Variants in SPRED2 observed in about 807,000 individuals in gnomAD.
SPRED2 encodes sprouty related EVH1 domain containing 2.
SPRED2 carries 47 observed loss-of-function variants against 43.0 expected under a neutral mutation model. That is an observed-to-expected ratio of 1.09 (90% CI 0.87 to 1.40). The LOEUF (loss-of-function observed/expected upper bound fraction) is 1.40, where lower values mean the gene tolerates loss of function less well. Ranked by LOEUF, SPRED2 falls within the 40% of genes most tolerant of loss-of-function variation. The pLI is 0.00. For missense variants in SPRED2, 561 were observed against 586.4 expected, an observed-to-expected ratio of 0.96 and a Z score of 0.45; for synonymous variants, 225 against 225.7, an observed-to-expected ratio of 1.00 and a Z score of 0.03.
intron 1 of SPRED2, among the ~76,000 whole-genome samples, chr2:65,379,171 C>A (rs1675312378): frequency 6.6e-6 from 1 of 152,142 alleles, no homozygotes; most frequent in Non-Finnish European, 1.5e-5. Context: ...TGAGAAGTGA[C>A]TTTTTACCAA....
chr2:65,330,209 T>C (rs564356760), intron 4 of SPRED2, among the ~76,000 whole-genome samples: 1 of 152,256 alleles, frequency 6.6e-6, no homozygotes, highest in Non-Finnish European at 1.5e-5. Flanking sequence ...ATGGCTCACA[T>C]ACCTTTGTAT....
intron 1 of SPRED2, among the ~76,000 whole-genome samples, chr2:65,363,239 C>CAAA (rs141094707): frequency 4.7e-4 from 48 of 103,006 alleles, no homozygotes; most frequent in East Asian, 3.6e-3. Flanking sequence ...AACTCCGTCT[C>CAAA]AAAAAAAAAA....
At chr2:65,346,569 C>G (rs1215652367) in intron 1 of SPRED2, among the ~76,000 whole-genome samples, 1 of 152,166 alleles carries the variant, frequency 6.6e-6, no homozygotes, top group African/African-American at 2.4e-5. Context: ...ACTGTCTTGT[C>G]TCTATGAATC....
intron 4 of SPRED2, among the ~76,000 whole-genome samples, chr2:65,325,412 C>T (rs1318928830): frequency 6.6e-6 from 1 of 152,226 alleles, no homozygotes; most frequent in East Asian, 1.9e-4. Flanking sequence ...GCAAAAATAG[C>T]ACTATACAGG....
At chr2:65,315,581 C>T (rs575853372) in intron 5 of SPRED2, among the ~76,000 whole-genome samples, 10 of 152,322 alleles carry the variant, frequency 6.6e-5, no homozygotes, top group African/African-American at 2.4e-4. Context: ...GAAACTGACA[C>T]GGGCTTTACT....
chr2:65,369,848 C>T (rs1292053344), intron 1 of SPRED2, among the ~76,000 whole-genome samples: 2 of 152,236 alleles, frequency 1.3e-5, no homozygotes, highest in African/African-American at 2.4e-5. Context: ...ATTTTCAGAG[C>T]ACAGGGTCTT....
At chr2:65,422,104 A>ACACACACACTCTCTCTCT (rs1299857849) in intron 1 of SPRED2, among the ~76,000 whole-genome samples, 8 of 128,942 alleles carry the variant, frequency 6.2e-5, no homozygotes, top group African/African-American at 1.2e-4. Context: ...ACACACACAC[A>ACACACACACTCTCTCTCT]CTCTCTCTCT....
chr2:65,430,654 C>T (rs2103825775), intron 1 of SPRED2, among the ~76,000 whole-genome samples: 1 of 152,270 alleles, frequency 6.6e-6, no homozygotes, highest in African/African-American at 2.4e-5. Flanking sequence ...CCTTCCGAAG[C>T]CCACACTCCC....
chr2:65,377,780 A>G (rs268120), intron 1 of SPRED2: 352,393 of 461,400 alleles, frequency 0.76, 135,314 homozygotes, highest in East Asian at 0.92. Flanking sequence ...TCAAAGCGGC[A>G]GTCCTCAGCA....
At chr2:65,382,655 T>C (rs1266299620) in intron 1 of SPRED2, among the ~76,000 whole-genome samples, 1 of 152,242 alleles carries the variant, frequency 6.6e-6, no homozygotes, top group Non-Finnish European at 1.5e-5. Flanking sequence ...TATAACATAG[T>C]TGACACAAAC....
At chr2:65,418,430 C>T (rs1339913035) in intron 1 of SPRED2, among the ~76,000 whole-genome samples, 1 of 152,208 alleles carries the variant, frequency 6.6e-6, no homozygotes, top group Non-Finnish European at 1.5e-5. Context: ...CCTGTCTCCT[C>T]CCCTAAATAC....
intron 2 of SPRED2, among the ~76,000 whole-genome samples, chr2:65,343,261 G>A (rs985221868): frequency 1.3e-5 from 2 of 152,112 alleles, no homozygotes; most frequent in African/African-American, 4.8e-5. Flanking sequence ...TTATAAACAA[G>A]AATGTTTTCA....
intron 1 of SPRED2, among the ~76,000 whole-genome samples, chr2:65,345,308 G>C (rs1235231772): frequency 7.6e-6 from 1 of 131,818 alleles, no homozygotes; most frequent in Non-Finnish European, 1.6e-5. Flanking sequence ...TTGTTGCCCA[G>C]GCTGGAGTGT....
At position 65,311,609 on chromosome 2, in the gene SPRED2, AAGGTTTTCT is replaced by A; in HGVS notation, c.*1883_*1891del. ...TCTCGACAGCACTGGAGGCTGGCTG[AAGGTTTTCT>A]AGATGTTCTCCAGGCATGGATGAGG... On this transcript the variant is annotated 3_prime_UTR_variant, in exon 6 of 6. Transcript: ENST00000356388. 1 of 985,852 alleles carries A rather than the reference AAGGTTTTCT, an allele frequency of 1.0e-6. No homozygotes were observed. The highest frequency in any genetic ancestry group is 1.2e-6 in the Non-Finnish European group (1 of 829,930). The allele number at this position is 985,852 out of a possible 1,614,324, so 61.1% of individuals were successfully genotyped here.
intron 1 of SPRED2, among the ~76,000 whole-genome samples, chr2:65,406,353 G>A (rs1337658310): frequency 6.6e-6 from 1 of 152,132 alleles, no homozygotes; most frequent in African/African-American, 2.4e-5. Flanking sequence ...CTTTATAGAG[G>A]TCAAGAATAA....
chr2:65,359,894 G>A (rs998591239), intron 1 of SPRED2, among the ~76,000 whole-genome samples: 7 of 151,728 alleles, frequency 4.6e-5, no homozygotes, highest in Admixed American at 2.0e-4. Flanking sequence ...GTGAAACTCC[G>A]TCTCTACTAA....
chr2:65,422,183 C>CTTGCTTGT lies in SPRED2; in HGVS notation c.26+9771_26+9778dup, dbSNP rs1257099255. Among the ~76,000 whole-genome samples, 4 of 151,710 alleles carry CTTGCTTGT rather than the reference C, an allele frequency of 2.6e-5. No individual in the cohort carries two copies. In the South Asian group the frequency reaches 8.4e-4, roughly 32 times the overall value. ...TCATACCTAAAAACGACTTGAAAAG[C>CTTGCTTGT]TTGCTTGTTTGAAGATTCTGGCAAG... On this transcript the variant is annotated intron_variant, in intron 1 of 5. Coordinates refer to ENST00000356388, the MANE Select transcript of SPRED2 (RefSeq NM_181784.3).
intron 1 of SPRED2, among the ~76,000 whole-genome samples, chr2:65,401,919 G>C (rs1675897777): frequency 6.8e-6 from 1 of 146,998 alleles, no homozygotes; most frequent in Non-Finnish European, 1.5e-5. Flanking sequence ...AAAACGATCA[G>C]AATATTAGCG....
intron 3 of SPRED2, 138 bp downstream of exon 3, chr2:65,334,467 A>G (rs1673904804): frequency 5.1e-6 from 5 of 975,310 alleles, no homozygotes; most frequent in African/African-American, 4.9e-5. Flanking sequence ...GGAAATTCCA[A>G]AAGTTTTGGC....
Sources: gnomAD v4.1 joint callset for allele counts (sites outside exome capture counted in the v4.1 genomes callset) on GRCh38, gnomAD v4.1.1 for gene constraint, MANE v1.5 for transcripts, NCBI Gene and HGNC (gene_info 2026-07-23, HGNC 2026-07-21) for gene names.